Variants in HDAC9 observed in about 807,000 individuals in gnomAD.
The protein encoded by HDAC9 is MEF-2 interacting transcription repressor (MITR) protein.
In HDAC9, 41 loss-of-function variants were observed where a neutral mutation model predicts 139.4. That is an observed-to-expected ratio of 0.29 (90% CI 0.23 to 0.38). The LOEUF (loss-of-function observed/expected upper bound fraction) is 0.38. Ranked by LOEUF, HDAC9 falls within the 10% of genes least tolerant of loss-of-function variation. The pLI is 1.00. For synonymous variants in HDAC9, 517 were observed against 476.2 expected, an observed-to-expected ratio of 1.09 and a Z score of -1.12; for missense variants, 1,147 against 1,297.0, an observed-to-expected ratio of 0.88 and a Z score of 1.78.
intron 1 of HDAC9, among the ~76,000 whole-genome samples, chr7:18,432,662 G>A (rs554283202): frequency 2.0e-5 from 3 of 152,234 alleles, no homozygotes; most frequent in Admixed American, 2.0e-4. Flanking sequence ...AAATACCAGT[G>A]GAAGGCCGGG....
intron 2 of HDAC9, among the ~76,000 whole-genome samples, chr7:18,231,313 A>G (rs192893999): frequency 6.6e-6 from 1 of 152,322 alleles, no homozygotes; most frequent in African/African-American, 2.4e-5. Context: ...TCCATTGCAT[A>G]GACTCATTGG....
intron 1 of HDAC9, among the ~76,000 whole-genome samples, chr7:18,104,834 C>T (rs1366220400): frequency 6.6e-6 from 1 of 152,004 alleles, no homozygotes; most frequent in Non-Finnish European, 1.5e-5. Context: ...TTGTTGATGC[C>T]ACACAGAATT....
At chr7:18,735,702 T>G (rs537937201) in intron 13 of HDAC9, among the ~76,000 whole-genome samples, 2 of 152,332 alleles carry the variant, frequency 1.3e-5, no homozygotes, top group Non-Finnish European at 2.9e-5. Flanking sequence ...TGCTTAGGAT[T>G]GTCTTGGCTA....
At chr7:18,430,796 A>G (rs190565863) in intron 1 of HDAC9, 1 of 152,334 alleles carries the variant, frequency 6.6e-6, no homozygotes, top group East Asian at 1.9e-4. Flanking sequence ...CTGAGGCATG[A>G]GAATCACTTA....
At chr7:18,906,078 A>G (rs371646784) in intron 22 of HDAC9, among the ~76,000 whole-genome samples, 18 of 136,570 alleles carry the variant, frequency 1.3e-4, no homozygotes, top group African/African-American at 5.0e-4. Context: ...GCTTTGTCTC[A>G]TTGACCCATA....
intron 2 of HDAC9, among the ~76,000 whole-genome samples, chr7:18,227,602 T>C (rs1395472296): frequency 6.6e-6 from 1 of 152,190 alleles, no homozygotes; most frequent in Non-Finnish European, 1.5e-5. Flanking sequence ...TGGAACCATG[T>C]CTGGTAAAAC....
chr7:18,496,744 C>T (rs916644704), intron 2 of HDAC9: 1 of 158,686 alleles, frequency 6.3e-6, no homozygotes, highest in African/African-American at 2.4e-5. Context: ...TATATTTACT[C>T]TGTGCCTACA....
intron 2 of HDAC9, among the ~76,000 whole-genome samples, chr7:18,261,159 T>C (rs1277382396): frequency 1.3e-5 from 2 of 150,864 alleles, no homozygotes; most frequent in South Asian, 2.1e-4. Flanking sequence ...AAAAAAAAAA[T>C]TGGGTGTGCA....
At chr7:18,626,824 G>C (rs1299950195) in intron 6 of HDAC9, among the ~76,000 whole-genome samples, 4 of 152,108 alleles carry the variant, frequency 2.6e-5, no homozygotes, top group African/African-American at 9.7e-5. Context: ...GTTTCATCTA[G>C]AATGTTTAAA....
intron 1 of HDAC9, among the ~76,000 whole-genome samples, chr7:18,154,783 A>G (rs1395413172): frequency 1.3e-5 from 2 of 152,246 alleles, no homozygotes; most frequent in African/African-American, 4.8e-5. Context: ...AGAGAATCAT[A>G]TCACTCTTAA....
chr7:18,177,869 T>G (rs555048460), intron 2 of HDAC9, among the ~76,000 whole-genome samples: 1 of 152,252 alleles, frequency 6.6e-6, no homozygotes, highest in African/African-American at 2.4e-5. Flanking sequence ...GGAGGCTGAT[T>G]ATAGTGGTGC....
chr7:18,936,127 A>C (rs925746062), intron 23 of HDAC9, among the ~76,000 whole-genome samples, 185 bp downstream of exon 23: 4 of 152,224 alleles, frequency 2.6e-5, no homozygotes, highest in African/African-American at 4.8e-5. Context: ...CCAGGTACAG[A>C]ATCCACATAG....
intron 21 of HDAC9, among the ~76,000 whole-genome samples, chr7:18,857,335 T>TTGTGTGTGTGTGTG (rs375575248): frequency 0.02 from 2,769 of 140,632 alleles, 78 homozygotes; most frequent in African/African-American, 0.059. Flanking sequence ...TATGTTTTAG[T>TTGTGTGTGTGTGTG]TGTGTGTGTG....
At chr7:18,212,985 A>T (rs1441402449) in intron 2 of HDAC9, among the ~76,000 whole-genome samples, 1 of 152,212 alleles carries the variant, frequency 6.6e-6, no homozygotes, top group African/African-American at 2.4e-5. Context: ...TATGAGCCAG[A>T]TGGCTTTTGC....
rs138461389 is a variant in HDAC9, at chr7:18,202,950, C to T, written c.25+40601C>T. 2.3e-3 allele frequency among the ~76,000 whole-genome samples: 346 copies of T among 152,190 alleles called. 2 individuals are homozygous for T. The highest frequency in any genetic ancestry group is 0.01 in the Middle Eastern group (3 of 294). On this transcript the variant is annotated intron_variant, in intron 2 of 12. Coordinates refer to the HDAC9 transcript ENST00000417496. Reference sequence around the variant, plus strand: ...GGCATACTAATTAAGATATCTACCTCGAAAGTTCTTGTGAGGATTAAATGG... The same window carrying T: ...GGCATACTAATTAAGATATCTACCTTGAAAGTTCTTGTGAGGATTAAATGG...
At chr7:18,900,622 C>G (rs1171262942) in intron 22 of HDAC9, among the ~76,000 whole-genome samples, 1 of 152,134 alleles carries the variant, frequency 6.6e-6, no homozygotes, top group African/African-American at 2.4e-5. Context: ...CCATGGACCC[C>G]TTGATAGTCT....
chr7:18,143,647 G>A (rs540442285), intron 1 of HDAC9, among the ~76,000 whole-genome samples: 2 of 151,996 alleles, frequency 1.3e-5, no homozygotes, highest in Admixed American at 6.6e-5. Flanking sequence ...TTAGCTAGGC[G>A]TGGTGGCGGG....
intron 12 of HDAC9, among the ~76,000 whole-genome samples, chr7:18,708,972 T>C (rs961512109): frequency 3.3e-5 from 5 of 152,030 alleles, no homozygotes; most frequent in African/African-American, 1.2e-4. Flanking sequence ...TATACATACA[T>C]ATATATATTC....
chr7:18,870,983 C>T (rs1236599715), intron 21 of HDAC9, among the ~76,000 whole-genome samples: 1 of 152,102 alleles, frequency 6.6e-6, no homozygotes, highest in Non-Finnish European at 1.5e-5. Flanking sequence ...TGGTATCCAT[C>T]CTTGAATCTT....
Sources: gnomAD v4.1 joint callset for allele counts (sites outside exome capture counted in the v4.1 genomes callset) on GRCh38, gnomAD v4.1.1 for gene constraint, MANE v1.5 for transcripts, NCBI Gene and HGNC (gene_info 2026-07-23, HGNC 2026-07-21) for gene names.